Variants in TAB2 observed in about 807,000 individuals in gnomAD.
The protein encoded by TAB2 is TGF-beta activated kinase 1 (MAP3K7) binding protein 2, also known as TGF-beta-activated kinase 1 and MAP3K7-binding protein 2.
Under a neutral mutation model 65.0 loss-of-function variants are expected in TAB2, and 3 were observed. That is an observed-to-expected ratio of 0.05 (90% confidence interval 0.02 to 0.12). The LOEUF is 0.12. Among genes scored for constraint, TAB2 ranks in the 10% least tolerant of loss-of-function variants. The probability of loss-of-function intolerance (pLI) is 1.00; values close to 1 mark genes in which losing one functional copy is unlikely to be tolerated. For synonymous variants in TAB2, 298 were observed against 285.1 expected (o/e 1.05, Z -0.46); for missense variants, 623 against 840.3 (o/e 0.74, Z 3.20).
intron 1 of TAB2, among the ~76,000 whole-genome samples, chr6:149,253,942 G>GAGAA (rs1554254235): frequency 0.04 from 2,358 of 58,686 alleles, 81 homozygotes; most frequent in East Asian, 0.081. Flanking sequence ...AAGAAAGAAA[G>GAGAA]AGAAAGAAAG....
At chr6:149,313,705 A>C (rs1779203390), upstream of TAB2, among the ~76,000 whole-genome samples, 1 of 152,134 alleles carries the variant, frequency 6.6e-6, no homozygotes, top group Non-Finnish European at 1.5e-5. Context: ...AAACCCTCAG[A>C]GTCATCTTTA....
rs1424189565 is a variant in TAB2, at chr6:149,379,535, A to G, written c.1603+17A>G. 30 of 1,613,542 alleles carry G rather than the reference A, an allele frequency of 1.9e-5. No homozygotes were observed. Among genetic ancestry groups the G allele is most frequent in the Non-Finnish European group, 2.5e-5 (30 of 1,179,624 alleles). On this transcript the variant is annotated intron_variant, in intron 3 of 6. Coordinates refer to ENST00000637181, the MANE Select transcript of TAB2 (RefSeq NM_001292034.3). ...ACACACAAGGTAATATGAATACTAA[A>G]GGTGGGATGGTTTTCCATGCTGGGC... is the stretch of plus-strand genomic sequence containing the variant.
chr6:149,218,824 T>C, intron 1 of TAB2: 1 of 454,970 alleles, frequency 2.2e-6, no homozygotes, highest in Non-Finnish European at 4.4e-6. Flanking sequence ...TCTTCTGTGA[T>C]CTTGTGTCTG....
intron 3 of TAB2, among the ~76,000 whole-genome samples, chr6:149,379,721 G>C (rs1367941385): frequency 1.4e-4 from 21 of 152,004 alleles, no homozygotes; most frequent in Admixed American, 1.4e-3. Flanking sequence ...CTGGAAGTTT[G>C]AGTAATTGGG....
At chr6:149,281,579 A>C (rs1034761760) in intron 1 of TAB2, among the ~76,000 whole-genome samples, 1 of 144,502 alleles carries the variant, frequency 6.9e-6, no homozygotes, top group Non-Finnish European at 1.5e-5. Flanking sequence ...AAAAAAAAAA[A>C]AACTTGATTA....
intron 1 of TAB2, among the ~76,000 whole-genome samples, chr6:149,298,886 G>A (rs762948033): frequency 2.0e-5 from 3 of 152,118 alleles, no homozygotes; most frequent in African/African-American, 7.2e-5. Context: ...AAATTTTGAA[G>A]ATAATCTCAG....
rs138687718 is a variant in TAB2 at position 149,411,468 on chromosome 6, G to A, written c.*1749G>A. On this transcript the variant is annotated 3_prime_UTR_variant, in exon 7 of 7. Transcript: ENST00000637181. ...AGCTTCATCTGCAGTTCTATGTGAAGATTGATAAATCAGTTTTTACTTGTT... is the reference window on the plus strand; with the variant it reads ...AGCTTCATCTGCAGTTCTATGTGAAAATTGATAAATCAGTTTTTACTTGTT... 11 of 152,784 alleles carry A rather than the reference G, an allele frequency of 7.2e-5. No homozygotes were observed. In the East Asian group the frequency reaches 2.1e-3, roughly 29 times the overall value. 9.5% of individuals were successfully genotyped at this position (152,784 alleles called of 1,614,324 possible). A position where few individuals can be genotyped will look rare whatever the true frequency, so the allele number is the denominator to read the frequency against.
intron 1 of TAB2, among the ~76,000 whole-genome samples, chr6:149,241,208 T>C (rs1020982619): frequency 1.3e-5 from 2 of 152,156 alleles, no homozygotes; most frequent in African/African-American, 4.8e-5. Context: ...ATGACTATTG[T>C]TTAAGACACC....
At chr6:149,298,651 T>G (rs1778920113) in intron 1 of TAB2, among the ~76,000 whole-genome samples, 1 of 152,152 alleles carries the variant, frequency 6.6e-6, no homozygotes, top group South Asian at 2.1e-4. Context: ...ACCTGTAACC[T>G]AAAACAGTCA....
intron 1 of TAB2, among the ~76,000 whole-genome samples, chr6:149,245,740 T>C (rs1777697604): frequency 6.6e-6 from 1 of 152,216 alleles, no homozygotes; most frequent in Non-Finnish European, 1.5e-5. Flanking sequence ...TAATACCTCA[T>C]GGACAACCCC....
intron 1 of TAB2, among the ~76,000 whole-genome samples, chr6:149,225,018 T>C (rs1390616135): frequency 2.0e-5 from 3 of 152,236 alleles, no homozygotes; most frequent in African/African-American, 7.2e-5. Context: ...AAATTTCTTA[T>C]AATACTTTTC....
chr6:149,289,630 T>C (rs1779808158), intron 1 of TAB2, among the ~76,000 whole-genome samples: 1 of 152,202 alleles, frequency 6.6e-6, no homozygotes, highest in South Asian at 2.1e-4. Context: ...GCTGGGCCTA[T>C]GCCCGGAAAC....
intron 1 of TAB2, among the ~76,000 whole-genome samples, chr6:149,308,403 C>G (rs1039546034): frequency 6.6e-6 from 1 of 151,992 alleles, no homozygotes; most frequent in African/African-American, 2.4e-5. Context: ...AATAAACAAA[C>G]GAAGAAAGAA....
chr6:149,322,057 C>G (rs1168319789), intron 1 of TAB2, among the ~76,000 whole-genome samples: 1 of 152,072 alleles, frequency 6.6e-6, no homozygotes, highest in Non-Finnish European at 1.5e-5. Flanking sequence ...GAGAAAGGAA[C>G]TAATATTTAT....
At chr6:149,337,233 A>G (rs1281760892) in intron 1 of TAB2, among the ~76,000 whole-genome samples, 1 of 133,128 alleles carries the variant, frequency 7.5e-6, no homozygotes, top group Non-Finnish European at 1.6e-5. Context: ...CTGTTTCGGT[A>G]TAATTGGTTT....
intron 1 of TAB2, among the ~76,000 whole-genome samples, chr6:149,311,748 T>C (rs1373625143): frequency 4.3e-5 from 2 of 46,596 alleles, no homozygotes; most frequent in East Asian, 5.9e-4. Flanking sequence ...CAATATGCCA[T>C]GTTCTACATT....
chr6:149,311,643 A>G (rs1779169302), intron 1 of TAB2, among the ~76,000 whole-genome samples: 1 of 119,150 alleles, frequency 8.4e-6, no homozygotes, highest in Admixed American at 8.4e-5. Context: ...TAGTAATGGT[A>G]CCACTGTCAA....
intron 1 of TAB2, among the ~76,000 whole-genome samples, chr6:149,229,716 C>T (rs982070229): frequency 2.6e-5 from 4 of 152,154 alleles, no homozygotes; most frequent in African/African-American, 9.7e-5. Context: ...TGTACTCTCT[C>T]TGGGTCAGTG....
chr6:149,388,258 CAT>C (rs751336330), intron 3 of TAB2, among the ~76,000 whole-genome samples: 7 of 152,194 alleles, frequency 4.6e-5, no homozygotes, highest in Non-Finnish European at 7.3e-5. Context: ...ACCAAGGAAA[CAT>C]AGTGGGTGAG....
Sources: gnomAD v4.1 joint callset for allele counts (sites outside exome capture counted in the v4.1 genomes callset) on GRCh38, gnomAD v4.1.1 for gene constraint, MANE v1.5 for transcripts, NCBI Gene and HGNC (gene_info 2026-07-23, HGNC 2026-07-21) for gene names.